The following MAP3K14 variants were observed in gnomAD, a reference collection of about 807,000 sequenced individuals.
The protein encoded by MAP3K14 is mitogen-activated protein kinase kinase kinase 14, also known as NF-kappa-beta-inducing kinase.
MAP3K14 carries 16 observed loss-of-function variants against 99.2 expected under a neutral mutation model. That is an observed-to-expected ratio of 0.16 (90% CI 0.11 to 0.24). The LOEUF is 0.24. MAP3K14 is among the 10% of genes least tolerant of loss of function. The probability of loss-of-function intolerance (pLI) is 1.00; values close to 1 mark genes in which losing one functional copy is unlikely to be tolerated. For synonymous variants in MAP3K14, 462 were observed against 492.4 expected (o/e 0.94, Z 0.82); for missense variants, 784 against 1,208.7 (o/e 0.65, Z 5.21).
At position 45,286,437 on chromosome 17, in the gene MAP3K14, G is replaced by A. The variant is rs372591708; in HGVS notation, c.1146C>T (p.Leu382=). 5.3e-5 allele frequency: 84 copies of A among 1,591,454 alleles called. No individual in the cohort carries two copies. The highest frequency in any genetic ancestry group is 6.6e-5 in the Non-Finnish European group (77 of 1,165,512). The part of the protein sequence containing the change: ...PKTEDNEGVL[L]TEKLKPVDYE... ...GTGCCGGGGGATTAGTTACCTCAGT[G>A]AGCAGGACACCCTCGTTGTCCTCAG... The change falls in exon 5 of 16, where the codon CTC becomes CTT. Residue 382 remains leucine (L), a synonymous_variant. Coordinates refer to ENST00000344686, the MANE Select transcript of MAP3K14 (RefSeq NM_003954.5). The surrounding 1 kb of genome is among the most constrained non-coding windows in gnomAD (Gnocchi z 4.1).
At chr17:45,270,667 G>T in intron 10 of MAP3K14, 104 bp from the exon 11 acceptor site, 1 of 1,394,972 alleles carries the variant, frequency 7.2e-7, no homozygotes, top group Non-Finnish European at 9.4e-7. Context: ...TTCCCGCTGT[G>T]CTGGGGTCTA....
At chr17:45,309,334 G>C (rs947502809) in intron 1 of MAP3K14, among the ~76,000 whole-genome samples, 1 of 152,220 alleles carries the variant, frequency 6.6e-6, no homozygotes, top group African/African-American at 2.4e-5. Flanking sequence ...GGCTGGAAAA[G>C]GAGGGCCACT....
chr17:45,313,431 A>G (rs531696713), intron 1 of MAP3K14, among the ~76,000 whole-genome samples: 3 of 152,294 alleles, frequency 2.0e-5, no homozygotes, highest in African/African-American at 7.2e-5. Flanking sequence ...AAACAGCCCC[A>G]TGAAGTATTT....
chr17:45,290,790 G>A (rs187427485), intron 1 of MAP3K14, 25 bp from the exon 2 acceptor site: 33 of 1,594,916 alleles, frequency 2.1e-5, no homozygotes, highest in Non-Finnish European at 2.7e-5. Context: ...ACACAGAGCA[G>A]GTCACTTAGA....
chr17:45,269,033 A>T (rs1273730532), intron 11 of MAP3K14, among the ~76,000 whole-genome samples: 3 of 151,774 alleles, frequency 2.0e-5, no homozygotes, highest in African/African-American at 7.3e-5. Flanking sequence ...TTATTTATTT[A>T]TTTTTTGAGT....
rs1321492399 is a variant in MAP3K14, at chr17:45,267,330, TAA to T, written c.2326+74_2326+75del. On this transcript the variant is annotated intron_variant, in intron 12 of 15. Transcript: ENST00000344686. The surrounding 1 kb of genome is among the most constrained non-coding windows in gnomAD (Gnocchi z 5.1). ...GCTGGAAGAAAGCCCACACCGCAGG[TAA>T]AGAGAAACACCGGCCTCCGCGGGTG... The T allele has an allele frequency of 1.9e-5, 28 of 1,479,452 alleles. No homozygotes were observed. Among genetic ancestry groups the T allele is most frequent in the Non-Finnish European group, 2.4e-5 (26 of 1,086,096 alleles). The allele number at this position is 1,479,452 out of a possible 1,614,324, so 91.6% of individuals were successfully genotyped here.
At chr17:45,285,793 T>TA (rs965534666) in intron 5 of MAP3K14, among the ~76,000 whole-genome samples, 38 of 151,430 alleles carry the variant, frequency 2.5e-4, no homozygotes, top group South Asian at 2.1e-3. Flanking sequence ...TCATCTCTAT[T>TA]AAAAAAAATA....
At position 45,266,529 on chromosome 17, in the gene MAP3K14, G is replaced by A. The variant is rs762617329; in HGVS notation, c.2578+8C>T. On this transcript the variant is annotated splice_region_variant and intron_variant, in intron 14 of 15. Transcript: ENST00000344686. ...GGGACTGCTGAGCAGGTGGGAATTG[G>A]ACTGTACCATTGAAATAGCTTGGGG... 6.2e-7 allele frequency: 1 copy of A among 1,610,200 alleles called. No homozygotes were observed. Among genetic ancestry groups the A allele is most frequent in the Non-Finnish European group, 8.5e-7 (1 of 1,177,848 alleles).
Position 45,274,175 on chromosome 17 carries a change from C to A in MAP3K14, c.1500G>T (p.Leu500=). 1.2e-6 allele frequency: 2 copies of A among 1,603,896 alleles called. No homozygotes were observed. Among genetic ancestry groups the A allele is most frequent in the South Asian group, 2.2e-5 (2 of 89,218 alleles). ...DRALYYLGQA[L]EGLEYLHSRR... ...GTGAGTGGAGGTATTCCAGACCCTC[C>A]AGGGCCTGGCCCAGGTAGTACAGGG... The change falls in exon 8 of 16, where the codon CTG becomes CTT. Residue 500 remains leucine (L), a synonymous_variant. Transcript: ENST00000344686.
At chr17:45,269,937 C>A (rs952265069) in intron 11 of MAP3K14, among the ~76,000 whole-genome samples, 11 of 152,204 alleles carry the variant, frequency 7.2e-5, no homozygotes, top group Non-Finnish European at 1.3e-4. Flanking sequence ...GTCAGAAGCA[C>A]AGGTAAACAC....
Position 45,311,039 on chromosome 17 carries a change from G to T in MAP3K14, c.-21+5921C>A, listed in dbSNP as rs372028189. On this transcript the variant is annotated intron_variant, in intron 1 of 15. Coordinates refer to ENST00000344686, the MANE Select transcript of MAP3K14 (RefSeq NM_003954.5). Reference sequence around the variant, plus strand: ...AAAAAAAAATCCTGCTTCAGGATTAGTTCCTTCGTTCCCTGGCAGCAGAGT... The same window carrying T: ...AAAAAAAAATCCTGCTTCAGGATTATTTCCTTCGTTCCCTGGCAGCAGAGT... Among the ~76,000 whole-genome samples the T allele has an allele frequency of 1.9e-4, 29 of 152,162 alleles. 1 individual carries two copies. In the East Asian group the frequency reaches 2.5e-3, roughly 13 times the overall value.
intron 1 of MAP3K14, among the ~76,000 whole-genome samples, chr17:45,310,158 C>T (rs561731049): frequency 7.2e-5 from 11 of 151,956 alleles, no homozygotes; most frequent in African/African-American, 2.2e-4. Flanking sequence ...CCCAGCCTCC[C>T]GAGTAGCTGG....
rs541332968 is a variant in MAP3K14 at position 45,284,098 on chromosome 17, C to T, written c.1290+714G>A. Among the ~76,000 whole-genome samples the T allele has an allele frequency of 7.2e-5, 11 of 152,340 alleles. No individual in the cohort carries two copies. In the South Asian group the frequency reaches 1.5e-3, roughly 20 times the overall value. ...TGTCCTCTCTGCTCTCCACTTCTAACATCAGTGAGATGAAGGGGTGGGAGG... is the reference window on the plus strand; with the variant it reads ...TGTCCTCTCTGCTCTCCACTTCTAATATCAGTGAGATGAAGGGGTGGGAGG... On this transcript the variant is annotated intron_variant, in intron 6 of 15. Coordinates refer to ENST00000344686, the MANE Select transcript of MAP3K14 (RefSeq NM_003954.5).
intron 2 of MAP3K14, 70 bp from the exon 3 acceptor site, chr17:45,289,375 T>C (rs1337392469): frequency 8.0e-7 from 1 of 1,254,072 alleles, no homozygotes; most frequent in African/African-American, 1.5e-5. Context: ...GGAGAGACAT[T>C]TTACAGAGAT....
At chr17:45,301,469 A>T (rs1308441805) in intron 1 of MAP3K14, among the ~76,000 whole-genome samples, 1 of 152,154 alleles carries the variant, frequency 6.6e-6, no homozygotes, top group Non-Finnish European at 1.5e-5. Flanking sequence ...ATCTCAAGAA[A>T]AAAAAAAAGT....
chr17:45,274,083 G>A (rs1003155830), intron 8 of MAP3K14, 40 bp downstream of exon 8: 11 of 1,597,340 alleles, frequency 6.9e-6, no homozygotes, highest in South Asian at 1.1e-5. Context: ...TGTGAGAGAA[G>A]AGCCTGCTGG....
intron 1 of MAP3K14, among the ~76,000 whole-genome samples, chr17:45,294,425 G>A (rs2044333489): frequency 6.6e-6 from 1 of 152,174 alleles, no homozygotes. Context: ...TCTTAATCTA[G>A]GTTCAAGGAT....
At chr17:45,266,346 A>C in intron 14 of MAP3K14, 191 bp downstream of exon 14, 1 of 587,736 alleles carries the variant, frequency 1.7e-6, no homozygotes, top group South Asian at 2.9e-5. Context: ...CCCATCAGGA[A>C]AGGCTCATGG....
intron 13 of MAP3K14, among the ~76,000 whole-genome samples, 197 bp from the exon 14 acceptor site, chr17:45,266,878 G>T (rs1337670662): frequency 1.3e-5 from 2 of 152,208 alleles, no homozygotes; most frequent in African/African-American, 2.4e-5. Flanking sequence ...CAGAAGGGTA[G>T]ATTCCCATGG....
Sources: gnomAD v4.1 joint callset for allele counts (sites outside exome capture counted in the v4.1 genomes callset) on GRCh38, gnomAD v4.1.1 for gene constraint, Gnocchi (gnomAD v3.1) non-coding constraint, MANE v1.5 for transcripts, NCBI Gene and HGNC (gene_info 2026-07-23, HGNC 2026-07-21) for gene names.